KCND3: variants seen among roughly 807,000 people sequenced by gnomAD.
KCND3 encodes potassium voltage-gated channel subfamily D member 3.
In KCND3, 9 loss-of-function variants were observed where a neutral mutation model predicts 51.1. The observed-to-expected ratio is 0.18, with a 90% CI of 0.11 to 0.31. The LOEUF is 0.31. KCND3 is among the 10% of genes least tolerant of loss of function. The pLI, the probability that KCND3 is intolerant of heterozygous loss-of-function variation, is 1.00. For synonymous variants in KCND3, 349 were observed against 368.0 expected (o/e 0.95, Z 0.59); for missense variants, 526 against 903.8 (o/e 0.58, Z 5.36).
At chr1:111,856,493 C>T (rs61788876) in intron 2 of KCND3, among the ~76,000 whole-genome samples, 15,012 of 152,178 alleles carry the variant, frequency 0.099, 1,286 homozygotes, top group East Asian at 0.41. Context: ...AGCTGGTGGT[C>T]GCCTGGTAGC....
intron 2 of KCND3, among the ~76,000 whole-genome samples, chr1:111,919,245 A>C (rs568871417): frequency 6.6e-6 from 1 of 150,822 alleles, no homozygotes; most frequent in African/African-American, 2.4e-5. Context: ...CAAGTAAATG[A>C]ACAAGATAAA....
rs1664084993 is a variant in KCND3 at position 111,775,933 on chromosome 1, A to G, written c.*144T>C. 2.1e-6 allele frequency: 2 copies of G among 933,628 alleles called. No homozygotes were observed. The highest frequency in any genetic ancestry group is 1.7e-5 in the African/African-American group (1 of 60,576). The allele number at this position is 933,628 out of a possible 1,614,324, so 57.8% of individuals were successfully genotyped here. ...CCCTTTGCTACCTCTTTTTCCTTCCAGGCACAAGTCTCAGTGCTAGGGGTA... is the reference window on the plus strand; with the variant it reads ...CCCTTTGCTACCTCTTTTTCCTTCCGGGCACAAGTCTCAGTGCTAGGGGTA... On this transcript the variant is annotated 3_prime_UTR_variant, in exon 8 of 8. Coordinates refer to ENST00000302127, the MANE Select transcript of KCND3 (RefSeq NM_001378969.1).
At chr1:111,855,482 T>C (rs1177349418) in intron 2 of KCND3, among the ~76,000 whole-genome samples, 1 of 152,226 alleles carries the variant, frequency 6.6e-6, no homozygotes, top group Non-Finnish European at 1.5e-5. Flanking sequence ...TGAGTCTTTG[T>C]CTTATGCTAA....
In KCND3 at chr1:111,951,346, C is replaced by G. The variant is rs987759910; in HGVS notation, c.1106+30275G>C. ...GTCCATACACTTTCTCCTGCACCAC[C>G]TTGCCCATACCTCAGTTCTGGCTGC... On this transcript the variant is annotated intron_variant, in intron 2 of 7. Coordinates refer to ENST00000302127, the MANE Select transcript of KCND3 (RefSeq NM_001378969.1). Among the ~76,000 whole-genome samples, 5 of 152,184 alleles carry G rather than the reference C, an allele frequency of 3.3e-5. No homozygotes were observed. The East Asian group carries it at 9.6e-4, about 29-fold the overall frequency.
At chr1:111,947,692 C>T (rs1672847702) in intron 2 of KCND3, among the ~76,000 whole-genome samples, 1 of 152,194 alleles carries the variant, frequency 6.6e-6, no homozygotes, top group Admixed American at 6.5e-5. Context: ...GGCTTTTCTT[C>T]ATCTGTCTGG....
At chr1:111,944,840 C>A (rs574966375) in intron 2 of KCND3, among the ~76,000 whole-genome samples, 1 of 152,192 alleles carries the variant, frequency 6.6e-6, no homozygotes. Context: ...TTACCATTAC[C>A]GGAGGCCCAG....
intron 2 of KCND3, among the ~76,000 whole-genome samples, chr1:111,948,604 G>A (rs1672906005): frequency 6.6e-6 from 1 of 152,124 alleles, no homozygotes; most frequent in Admixed American, 6.5e-5. Flanking sequence ...CACTTCCCCA[G>A]AGAGGCTTAA....
chr1:111,961,072 G>C (rs2101930889), intron 2 of KCND3, among the ~76,000 whole-genome samples: 2 of 152,366 alleles, frequency 1.3e-5, no homozygotes, highest in South Asian at 4.1e-4. Context: ...CAGGGGTGAA[G>C]CTCTCTCTGT....
In KCND3 at chr1:111,930,985, C is replaced by T. The variant is rs145524880; in HGVS notation, c.1106+50636G>A. On this transcript the variant is annotated intron_variant, in intron 2 of 7. Transcript: ENST00000302127. ...GGGTTCTTTATCCAGCCCCATCCCA[C>T]GACACCCCTGTCTTTGTGATGAAGG... Among the ~76,000 whole-genome samples, 34 of 152,304 alleles carry T rather than the reference C, an allele frequency of 2.2e-4. No homozygotes were observed. The East Asian group carries it at 4.2e-3, about 19-fold the overall frequency.
intron 2 of KCND3, among the ~76,000 whole-genome samples, chr1:111,963,615 T>C (rs1224410586): frequency 6.6e-6 from 1 of 152,176 alleles, no homozygotes; most frequent in Non-Finnish European, 1.5e-5. Context: ...AAGGTCCCAA[T>C]TGTCAAAGAG....
At position 111,780,444 on chromosome 1, in the gene KCND3, G is replaced by T; in HGVS notation, c.1372-130C>A. 2 of 972,732 alleles carry T rather than the reference G, an allele frequency of 2.1e-6. No individual in the cohort carries two copies. Among genetic ancestry groups the T allele is most frequent in the South Asian group, 1.4e-5 (1 of 71,438 alleles). 60.3% of individuals were successfully genotyped at this position (972,732 alleles called of 1,614,324 possible). A position where few individuals can be genotyped will look rare whatever the true frequency, so the allele number is the denominator to read the frequency against. On this transcript the variant is annotated intron_variant, in intron 4 of 7. Coordinates refer to ENST00000302127, the MANE Select transcript of KCND3 (RefSeq NM_001378969.1). This position sits in a 1 kb window ranked among gnomAD's most constrained non-coding sequence, Gnocchi z 4.2. Reference sequence around the variant, plus strand: ...TTTTTTTTATTTGACCAAATTTCAGGGTCAGCATTGAATATGCTAACCTTT... The same window carrying T: ...TTTTTTTTATTTGACCAAATTTCAGTGTCAGCATTGAATATGCTAACCTTT...
At chr1:111,844,387 T>C (rs1667458549) in intron 2 of KCND3, among the ~76,000 whole-genome samples, 1 of 152,180 alleles carries the variant, frequency 6.6e-6, no homozygotes, top group Non-Finnish European at 1.5e-5. Context: ...TTGATGGATA[T>C]ACAAAGAAGG....
At chr1:111,821,930 C>T (rs556756665) in intron 2 of KCND3, among the ~76,000 whole-genome samples, 2 of 152,258 alleles carry the variant, frequency 1.3e-5, no homozygotes, top group African/African-American at 4.8e-5. Flanking sequence ...CCCTGTCCCC[C>T]AGAACTGTGA....
In KCND3 at chr1:111,777,169, G is replaced by A; in HGVS notation, c.1623C>T (p.Gly541=). Residue 541 remains glycine, a synonymous_variant, in exon 7 of 8, where the codon GGC becomes GGT. Transcript: ENST00000302127. ...GACGGGAGCAGCAGGTGGTAGTGAG[G>A]CCTGGGTGGCTGGACAGTGAGGGAC... The part of the protein sequence containing the change: ...TRSPSLSSHP[G]LTTTCCSRRS... 1.9e-6 allele frequency: 3 copies of A among 1,614,204 alleles called. No individual in the cohort carries two copies. Among genetic ancestry groups the A allele is most frequent in the Non-Finnish European group, 1.7e-6 (2 of 1,180,024 alleles).
chr1:111,797,390 C>T (rs565168223), intron 2 of KCND3, among the ~76,000 whole-genome samples: 6 of 152,212 alleles, frequency 3.9e-5, no homozygotes, highest in Admixed American at 6.5e-5. Flanking sequence ...TCTACTCCAC[C>T]TACCCATAGC....
At chr1:111,831,900 G>A (rs1392489841) in intron 2 of KCND3, among the ~76,000 whole-genome samples, 1 of 152,230 alleles carries the variant, frequency 6.6e-6, no homozygotes, top group African/African-American at 2.4e-5. Context: ...CCCTTTGACA[G>A]ACTATAATCT....
intron 2 of KCND3, among the ~76,000 whole-genome samples, chr1:111,859,489 G>A (rs190723032): frequency 6.6e-5 from 10 of 152,326 alleles, no homozygotes; most frequent in African/African-American, 1.7e-4. Context: ...GAAGGACACC[G>A]GGGCCCAGAA....
Position 111,780,407 on chromosome 1 carries a change from G to A in KCND3, c.1372-93C>T, listed in dbSNP as rs748974041. ...CTCCACTAAAGGTCAAAGGGCAATA[G>A]AATAATCAAATTTTTTTTTATTTGA... On this transcript the variant is annotated intron_variant, in intron 4 of 7. Transcript: ENST00000302127. This position sits in a 1 kb window ranked among gnomAD's most constrained non-coding sequence, Gnocchi z 4.2. The A allele has an allele frequency of 7.9e-7, 1 of 1,258,498 alleles. No homozygotes were observed. The highest frequency in any genetic ancestry group is 1.1e-6 in the Non-Finnish European group (1 of 881,922). The allele number at this position is 1,258,498 out of a possible 1,614,324, so 78.0% of individuals were successfully genotyped here. A position where few individuals can be genotyped will look rare whatever the true frequency, so the allele number is the denominator to read the frequency against.
intron 2 of KCND3, among the ~76,000 whole-genome samples, chr1:111,885,163 T>C: frequency 6.6e-6 from 1 of 152,184 alleles, no homozygotes; most frequent in Non-Finnish European, 1.5e-5. Flanking sequence ...ATTATCTTTG[T>C]GACTAAGGAG....
Sources: allele counts gnomAD v4.1 joint callset (sites outside exome capture counted in the v4.1 genomes callset), GRCh38; gene constraint gnomAD v4.1.1; non-coding constraint Gnocchi (gnomAD v3.1); transcripts MANE v1.5; gene names NCBI Gene and HGNC (gene_info 2026-07-23, HGNC 2026-07-21).